TMCC3: variants seen among roughly 807,000 people sequenced by gnomAD.
TMCC3 encodes the protein transmembrane and coiled-coil domain family 3.
A neutral mutation model predicts 40.2 loss-of-function variants in TMCC3; 28 were observed. That is an observed-to-expected ratio of 0.70 (90% CI 0.52 to 0.95). The LOEUF is 0.95. Ranked by LOEUF, TMCC3 falls within the 40% of genes least tolerant of loss-of-function variation. The pLI is 0.00. For missense variants in TMCC3, 554 were observed against 615.2 expected (o/e 0.90, Z 1.05); for synonymous variants, 255 against 248.5 (o/e 1.03, Z -0.25).
At chr12:94,601,869 A>G (rs1460573601) in intron 1 of TMCC3, among the ~76,000 whole-genome samples, 1 of 150,790 alleles carries the variant, frequency 6.6e-6, no homozygotes, top group Non-Finnish European at 1.5e-5. Flanking sequence ...TGGTGTCTGT[A>G]TATCACTTAC....
intron 1 of TMCC3, among the ~76,000 whole-genome samples, chr12:94,594,437 T>C (rs575004735): frequency 5.3e-5 from 8 of 152,270 alleles, no homozygotes; most frequent in South Asian, 4.1e-4. Context: ...AAATGTCCAC[T>C]GAAGCTTTTA....
chr12:94,584,598 G>C (rs1442409364), intron 1 of TMCC3, among the ~76,000 whole-genome samples: 1 of 151,208 alleles, frequency 6.6e-6, no homozygotes, highest in East Asian at 1.9e-4. Flanking sequence ...AGAGGAGGGA[G>C]CACAGCAGCA....
chr12:94,600,048 AAG>A (rs1367835082), intron 1 of TMCC3, among the ~76,000 whole-genome samples: 3 of 151,650 alleles, frequency 2.0e-5, no homozygotes, highest in Non-Finnish European at 4.4e-5. Flanking sequence ...GTGGTGGGGG[AAG>A]AGAGAGAGAG....
Position 94,568,574 on chromosome 12 carries a change from T to TGG in TMCC3, c.*2860_*2861insCC. 1 of 152,366 alleles carries TGG rather than the reference T, an allele frequency of 6.6e-6. No individual in the cohort carries two copies. Among genetic ancestry groups the TGG allele is most frequent in the East Asian group, 1.9e-4 (1 of 5,192 alleles). The allele number at this position is 152,366 out of a possible 1,614,324, so 9.4% of individuals were successfully genotyped here. ...ATCCAATTCCAGCATATGTTACAGC[T>TGG]ACATCACTATTTTTAATTGTAATAT... On this transcript the variant is annotated 3_prime_UTR_variant, in exon 4 of 4. Transcript: ENST00000261226.
intron 1 of TMCC3, among the ~76,000 whole-genome samples, chr12:94,639,764 G>GAAA (rs10716116): frequency 9.7e-6 from 1 of 103,260 alleles, no homozygotes. Flanking sequence ...CAAGAGGTAA[G>GAAA]AAAAAAAAAA....
chr12:94,590,260 A>ATTTTTTTTTTT lies in TMCC3; in HGVS notation c.79-7733_79-7723dup, dbSNP rs72186655. Among the ~76,000 whole-genome samples the ATTTTTTTTTTT allele has an allele frequency of 7.7e-3, 653 of 85,332 alleles. 40 individuals are homozygous for ATTTTTTTTTTT. Among genetic ancestry groups the ATTTTTTTTTTT allele is most frequent in the African/African-American group, 0.034 (619 of 18,206 alleles). The allele number at this position is 85,332 out of a possible 152,430, so 56.0% of individuals were successfully genotyped here. A position where few individuals can be genotyped will look rare whatever the true frequency, so the allele number is the denominator to read the frequency against. ...AGGTGAGTGCCACCACGCCCTGCTA[A>ATTTTTTTTTTT]TTTTTTTTTTTTTTTTTTTTTTTTT... On this transcript the variant is annotated intron_variant, in intron 1 of 3. Transcript: ENST00000261226.
At chr12:94,590,525 A>G (rs1381518596) in intron 1 of TMCC3, among the ~76,000 whole-genome samples, 2 of 152,214 alleles carry the variant, frequency 1.3e-5, no homozygotes, top group Admixed American at 1.3e-4. Context: ...CTCTGGAGAA[A>G]GAAGCCCTGT....
rs1169124795 is a variant in TMCC3 at position 94,571,033 on chromosome 12, T to C, written c.*402A>G. On this transcript the variant is annotated 3_prime_UTR_variant, in exon 4 of 4. Coordinates refer to ENST00000261226, the MANE Select transcript of TMCC3 (RefSeq NM_020698.4). Reference sequence around the variant, plus strand: ...TTCATTCCCTGAATCATGCATATCCTTGCTTTTTATAGGACTCACAGAAAA... The same window carrying C: ...TTCATTCCCTGAATCATGCATATCCCTGCTTTTTATAGGACTCACAGAAAA... The C allele has an allele frequency of 4.6e-6, 1 of 218,282 alleles. No homozygotes were observed. Among genetic ancestry groups the C allele is most frequent in the African/African-American group, 2.3e-5 (1 of 43,318 alleles). The allele number at this position is 218,282 out of a possible 1,614,324, so 13.5% of individuals were successfully genotyped here. A position where few individuals can be genotyped will look rare whatever the true frequency, so the allele number is the denominator to read the frequency against.
At chr12:94,607,396 A>G (rs186187496) in intron 1 of TMCC3, among the ~76,000 whole-genome samples, 140 of 152,350 alleles carry the variant, frequency 9.2e-4, no homozygotes, top group Non-Finnish European at 1.8e-3. Context: ...AAATTACAAG[A>G]GTATTATTAC....
chr12:94,646,215 A>C (rs2069017169), intron 1 of TMCC3, among the ~76,000 whole-genome samples: 1 of 152,154 alleles, frequency 6.6e-6, no homozygotes, highest in Non-Finnish European at 1.5e-5. Context: ...AATTCCAGAG[A>C]AATGTCAGAG....
At chr12:94,594,334 CCT>C (rs1383301942) in intron 1 of TMCC3, among the ~76,000 whole-genome samples, 10 of 151,996 alleles carry the variant, frequency 6.6e-5, no homozygotes, top group Non-Finnish European at 1.2e-4. Context: ...CTCAAGTTAT[CCT>C]CTCACCCTAA....
At chr12:94,593,494 C>G in intron 1 of TMCC3, among the ~76,000 whole-genome samples, 1 of 148,954 alleles carries the variant, frequency 6.7e-6, no homozygotes, top group Non-Finnish European at 1.5e-5. Context: ...TTCCTGAGAG[C>G]TGGTAAAGTA....
intron 2 of TMCC3, 101 bp downstream of exon 2, chr12:94,581,521 G>T: frequency 1.3e-6 from 1 of 766,944 alleles, no homozygotes; most frequent in Non-Finnish European, 1.8e-6. Flanking sequence ...AAGTATCCGT[G>T]GTAATAAAAA....
At chr12:94,635,389 T>C (rs1486357035) in intron 1 of TMCC3, among the ~76,000 whole-genome samples, 4 of 152,144 alleles carry the variant, frequency 2.6e-5, no homozygotes, top group Non-Finnish European at 5.9e-5. Context: ...TGCGATGGTG[T>C]GTCACAAATT....
intron 1 of TMCC3, among the ~76,000 whole-genome samples, chr12:94,627,232 A>G (rs1283109716): frequency 2.2e-4 from 34 of 152,160 alleles, no homozygotes; most frequent in Non-Finnish European, 2.9e-5. Context: ...AAGAGCCAGG[A>G]TTTTAAAACC....
intron 1 of TMCC3, among the ~76,000 whole-genome samples, chr12:94,624,938 C>A (rs1259312004): frequency 1.3e-5 from 2 of 151,272 alleles, no homozygotes; most frequent in Non-Finnish European, 2.9e-5. Flanking sequence ...GTCAGGAGTT[C>A]GAGACCAGCC....
rs569277345 is a variant in TMCC3 at position 94,588,199 on chromosome 12, C to T, written c.79-5661G>A. On this transcript the variant is annotated intron_variant, in intron 1 of 3. Transcript: ENST00000261226. ...GCTTGGACACACTGTGCAGGATTCA[C>T]GGAAGGCTGTCTCCCAGGACACTCT... is the stretch of plus-strand genomic sequence containing the variant. 6.5e-4 allele frequency among the ~76,000 whole-genome samples: 99 copies of T among 152,294 alleles called. 1 individual carries two copies. Among genetic ancestry groups the T allele is most frequent in the African/African-American group, 2.1e-3 (88 of 41,538 alleles).
intron 1 of TMCC3, among the ~76,000 whole-genome samples, chr12:94,638,355 T>C (rs1027772583): frequency 1.3e-5 from 2 of 152,188 alleles, no homozygotes; most frequent in Non-Finnish European, 2.9e-5. Flanking sequence ...TCTTGCACCA[T>C]GCCATCTTAT....
chr12:94,648,983 G>A (rs2069036494), intron 1 of TMCC3, among the ~76,000 whole-genome samples: 1 of 152,116 alleles, frequency 6.6e-6, no homozygotes, highest in African/African-American at 2.4e-5. Flanking sequence ...GTCTACCTGT[G>A]GGTAAGCACA....
Sources: gnomAD v4.1 joint callset for allele counts (sites outside exome capture counted in the v4.1 genomes callset) on GRCh38, gnomAD v4.1.1 for gene constraint, MANE v1.5 for transcripts, NCBI Gene and HGNC (gene_info 2026-07-23, HGNC 2026-07-21) for gene names.